The following NOX3 variants were observed in gnomAD, a reference collection of about 807,000 sequenced individuals.
NOX3 encodes the protein NADPH oxidase 3, also known as NADPH oxidase catalytic subunit-like 3.
A neutral mutation model predicts 76.7 loss-of-function variants in NOX3; 74 were observed. The observed-to-expected ratio is 0.96, with a 90% CI of 0.80 to 1.17. NOX3 has a LOEUF of 1.17. Among genes scored for constraint, NOX3 ranks in the 50% most tolerant of loss-of-function variants. The probability of loss-of-function intolerance (pLI) is 0.00; values close to 1 mark genes in which losing one functional copy is unlikely to be tolerated. For missense variants in NOX3, 695 were observed against 703.3 expected, an observed-to-expected ratio of 0.99 and a Z score of 0.13; for synonymous variants, 263 against 261.1, an observed-to-expected ratio of 1.01 and a Z score of -0.07.
In NOX3 at chr6:155,433,815, G is replaced by C. The variant is rs1776866347; in HGVS notation, c.798+2603C>G. ...ATGGGTAAGACACTGAAACTGCTTG[G>C]ACCTCAATTTCCTCAGCTATTAAAT... On this transcript the variant is annotated intron_variant, in intron 7 of 13. Transcript: ENST00000159060. Among the ~76,000 whole-genome samples, 3 of 152,284 alleles carry C rather than the reference G, an allele frequency of 2.0e-5. No homozygotes were observed. The South Asian group carries it at 6.2e-4, about 32-fold the overall frequency.
chr6:155,434,918 A>C (rs1260253759), intron 7 of NOX3, among the ~76,000 whole-genome samples: 1 of 152,222 alleles, frequency 6.6e-6, no homozygotes, highest in Non-Finnish European at 1.5e-5. Flanking sequence ...GAGCACCGTG[A>C]AAACGCCCTG....
intron 10 of NOX3, among the ~76,000 whole-genome samples, chr6:155,412,908 G>A (rs1004897867): frequency 6.6e-6 from 1 of 152,224 alleles, no homozygotes; most frequent in Non-Finnish European, 1.5e-5. Flanking sequence ...GAAGATGATA[G>A]ATAAGTAGAA....
intron 4 of NOX3, among the ~76,000 whole-genome samples, chr6:155,444,073 T>A (rs1777029983): frequency 6.6e-6 from 1 of 152,212 alleles, no homozygotes; most frequent in South Asian, 2.1e-4. Flanking sequence ...ATAATGTAAA[T>A]GATAGATACC....
chr6:155,418,822 T>G (rs1185168678), intron 10 of NOX3, among the ~76,000 whole-genome samples: 4 of 152,260 alleles, frequency 2.6e-5, no homozygotes, highest in Non-Finnish European at 5.9e-5. Flanking sequence ...GGTGCACATT[T>G]TTTCCTATAG....
At chr6:155,440,881 A>G (rs575216481) in intron 5 of NOX3, among the ~76,000 whole-genome samples, 54 of 152,112 alleles carry the variant, frequency 3.6e-4, no homozygotes, top group Non-Finnish European at 8.8e-5. Flanking sequence ...GGGCGTTCCT[A>G]ATAAAGCAGC....
At chr6:155,444,064 T>C (rs555658530) in intron 4 of NOX3, among the ~76,000 whole-genome samples, 46 of 152,326 alleles carry the variant, frequency 3.0e-4, no homozygotes, top group Non-Finnish European at 6.3e-4. Flanking sequence ...TGTATGTATA[T>C]AATGTAAATG....
intron 4 of NOX3, among the ~76,000 whole-genome samples, chr6:155,445,222 T>G (rs1777045495): frequency 6.6e-6 from 1 of 152,176 alleles, no homozygotes; most frequent in South Asian, 2.1e-4. Flanking sequence ...TGAGAATTCA[T>G]TGCCCGGGGT....
chr6:155,399,245 T>C (rs163001), intron 12 of NOX3, among the ~76,000 whole-genome samples: 5,997 of 150,946 alleles, frequency 0.04, 201 homozygotes, highest in African/African-American at 0.089. Flanking sequence ...GATTGCCCAC[T>C]GGCCCACTCC....
intron 9 of NOX3, among the ~76,000 whole-genome samples, chr6:155,423,327 G>A (rs1221403701): frequency 6.6e-6 from 1 of 152,106 alleles, no homozygotes; most frequent in African/African-American, 2.4e-5. Flanking sequence ...ACACATCTTA[G>A]TAGGTTTATG....
rs763445604 is a variant in NOX3, at chr6:155,443,335, G to T, written c.424C>A (p.Leu142Ile). The change falls in exon 5 of 14, where the codon CTT (leucine) becomes ATT (isoleucine). Residue 142 changes from leucine to isoleucine, a missense_variant. By Grantham distance (5) the Leu-to-Ile change is conservative (BLOSUM62 2). Transcript: ENST00000159060. The stretch of plus-strand genomic sequence containing the variant: ...TTAGGGGTGTTGCCCAGCTTGGAAA[G>T]TGCGGCCAGAAGTCCCTGGGCCTCC... ...SEEAQGLLAA[L>I]SKLGNTPNES... The T allele has an allele frequency of 1.2e-6, 2 of 1,614,144 alleles. No homozygotes were observed. Among genetic ancestry groups the T allele is most frequent in the South Asian group, 2.2e-5 (2 of 91,072 alleles).
intron 10 of NOX3, among the ~76,000 whole-genome samples, chr6:155,413,167 C>A (rs1158382657): frequency 6.6e-6 from 1 of 152,102 alleles, no homozygotes; most frequent in Non-Finnish European, 1.5e-5. Flanking sequence ...GTCCCCTCTT[C>A]ATGAGAAGGG....
intron 12 of NOX3, among the ~76,000 whole-genome samples, chr6:155,404,396 C>T (rs978157003): frequency 1.3e-5 from 2 of 151,964 alleles, no homozygotes; most frequent in African/African-American, 2.4e-5. Flanking sequence ...TTGGAAGCAC[C>T]TCATTTGGAG....
chr6:155,438,048 T>C (rs1033861461), intron 6 of NOX3, among the ~76,000 whole-genome samples: 3 of 152,174 alleles, frequency 2.0e-5, no homozygotes, highest in African/African-American at 2.4e-5. Context: ...ACACTGCCCA[T>C]TGAAATTCTC....
At chr6:155,445,278 G>C (rs866363289) in intron 4 of NOX3, among the ~76,000 whole-genome samples, 13 of 152,218 alleles carry the variant, frequency 8.5e-5, no homozygotes, top group Admixed American at 2.0e-4. Flanking sequence ...TGCACCCACA[G>C]TGAGAAGTAG....
At chr6:155,404,128 T>TA (rs200744490) in intron 12 of NOX3, among the ~76,000 whole-genome samples, 8,338 of 91,394 alleles carry the variant, frequency 0.091, 561 homozygotes, top group African/African-American at 0.3. Context: ...TATATATATA[T>TA]TTTTTTTTTC....
chr6:155,435,416 A>G (rs1199906591), intron 7 of NOX3, among the ~76,000 whole-genome samples: 3 of 152,144 alleles, frequency 2.0e-5, no homozygotes, highest in Non-Finnish European at 4.4e-5. Flanking sequence ...CCGGCCATTA[A>G]AAGAACCACA....
chr6:155,440,683 C>CAA (rs59598361), intron 5 of NOX3, among the ~76,000 whole-genome samples: 3 of 105,634 alleles, frequency 2.8e-5, no homozygotes, highest in Non-Finnish European at 4.3e-5. Flanking sequence ...AAAGAAAAAA[C>CAA]AAAAAAAAAA....
chr6:155,435,889 C>T (rs531511277), intron 7 of NOX3, among the ~76,000 whole-genome samples: 1 of 152,226 alleles, frequency 6.6e-6, no homozygotes. Context: ...CTAACATCAT[C>T]ATTATTTCAG....
chr6:155,431,005 C>T (rs369527168), intron 7 of NOX3, 70 bp from the exon 8 acceptor site: 1 of 995,178 alleles, frequency 1.0e-6, no homozygotes, highest in South Asian at 1.4e-5. Flanking sequence ...CAATTTGAAC[C>T]AAATCAATAT....
Sources: gnomAD v4.1 joint callset for allele counts (sites outside exome capture counted in the v4.1 genomes callset) on GRCh38, gnomAD v4.1.1 for gene constraint, MANE v1.5 for transcripts, NCBI Gene and HGNC (gene_info 2026-07-23, HGNC 2026-07-21) for gene names.